Variants in NDST4 observed in about 807,000 individuals in gnomAD.
The protein encoded by NDST4 is N-deacetylase and N-sulfotransferase 4.
In NDST4, 63 loss-of-function variants were observed where a neutral mutation model predicts 100.8. That is an observed-to-expected ratio of 0.62 (90% CI 0.51 to 0.77). The LOEUF is 0.77. Among genes scored for constraint, NDST4 ranks in the 30% least tolerant of loss-of-function variants. The probability of loss-of-function intolerance (pLI) is 0.00; values close to 1 mark genes in which losing one functional copy is unlikely to be tolerated. For synonymous variants in NDST4, 377 were observed against 361.8 expected (o/e 1.04, Z -0.48); for missense variants, 943 against 1,018.4 (o/e 0.93, Z 1.01).
intron 6 of NDST4, among the ~76,000 whole-genome samples, chr4:114,924,465 A>G (rs1192780636): frequency 6.6e-6 from 1 of 151,936 alleles, no homozygotes; most frequent in Non-Finnish European, 1.5e-5. Context: ...GGAAAAAAAA[A>G]AAGGTGACTG....
intron 7 of NDST4, among the ~76,000 whole-genome samples, chr4:114,865,719 A>G (rs1383234148): frequency 6.6e-6 from 1 of 152,190 alleles, no homozygotes; most frequent in African/African-American, 2.4e-5. Context: ...CTGAACCTCA[A>G]TAAGTGGTTT....
At position 114,844,821 on chromosome 4, in the gene NDST4, C is replaced by G. The variant is rs190601486; in HGVS notation, c.2115+1002G>C. ...TTTTTGTAGATAGTGCTGCAATGCTCCTAAACATTTGTCCATCCTTTTGAA... is the reference window on the plus strand; with the variant it reads ...TTTTTGTAGATAGTGCTGCAATGCTGCTAAACATTTGTCCATCCTTTTGAA... On this transcript the variant is annotated intron_variant, in intron 10 of 13. Coordinates refer to ENST00000264363, the MANE Select transcript of NDST4 (RefSeq NM_022569.3). 8.8e-4 allele frequency among the ~76,000 whole-genome samples: 134 copies of G among 152,282 alleles called. 1 individual carries two copies. The highest frequency in any genetic ancestry group is 3.2e-3 in the African/African-American group (131 of 41,554).
intron 2 of NDST4, among the ~76,000 whole-genome samples, chr4:115,000,171 G>A (rs1482314600): frequency 6.6e-6 from 1 of 150,992 alleles, no homozygotes. Context: ...CTTCCAAAAT[G>A]TGATGGCAAC....
chr4:114,941,188 T>G (rs1429188006), intron 4 of NDST4, among the ~76,000 whole-genome samples: 1 of 152,196 alleles, frequency 6.6e-6, no homozygotes, highest in African/African-American at 2.4e-5. Flanking sequence ...GACTGGATGC[T>G]GCTCTAAAAT....
intron 4 of NDST4, among the ~76,000 whole-genome samples, chr4:114,938,715 G>C (rs953426507): frequency 6.6e-6 from 1 of 152,162 alleles, no homozygotes. Flanking sequence ...CAATGCCTTA[G>C]TCATACGCTA....
intron 1 of NDST4, among the ~76,000 whole-genome samples, chr4:115,095,315 C>T (rs1660069685): frequency 6.6e-6 from 1 of 152,248 alleles, no homozygotes; most frequent in South Asian, 2.1e-4. Context: ...TTTCAGTGTG[C>T]TTAGCAGAAA....
At chr4:114,876,931 G>A (rs1330220773) in intron 6 of NDST4, among the ~76,000 whole-genome samples, 5 of 152,164 alleles carry the variant, frequency 3.3e-5, no homozygotes, top group Non-Finnish European at 7.3e-5. Flanking sequence ...AAGGAAATGA[G>A]GATCAAGGGT....
chr4:115,046,901 A>T (rs547481920), intron 2 of NDST4, among the ~76,000 whole-genome samples: 2 of 152,098 alleles, frequency 1.3e-5, no homozygotes, highest in Non-Finnish European at 2.9e-5. Context: ...CTTAAAAATG[A>T]CTTCCTTTTC....
intron 2 of NDST4, among the ~76,000 whole-genome samples, chr4:115,029,539 T>A (rs1403070802): frequency 6.6e-6 from 1 of 152,126 alleles, no homozygotes; most frequent in African/African-American, 2.4e-5. Context: ...TAATTTGACA[T>A]CTAGGATAAA....
rs561137211 is a variant in NDST4, at chr4:114,931,385, C to T, written c.1536+3821G>A. ...AGCTCTAAGAGGGAAATTTATGGCA[C>T]TAAATGCTTACATTAAGAAAAAAAA... On this transcript the variant is annotated intron_variant, in intron 6 of 13. Coordinates refer to ENST00000264363, the MANE Select transcript of NDST4 (RefSeq NM_022569.3). Among the ~76,000 whole-genome samples the T allele has an allele frequency of 2.0e-5, 3 of 150,160 alleles. No homozygotes were observed. In the East Asian group the frequency reaches 5.8e-4, roughly 29 times the overall value.
chr4:115,034,057 G>C (rs1412487815), intron 2 of NDST4, among the ~76,000 whole-genome samples: 4 of 152,026 alleles, frequency 2.6e-5, no homozygotes, highest in Non-Finnish European at 5.9e-5. Flanking sequence ...CTAACCACAA[G>C]TTCCTCTCCT....
At chr4:114,836,347 A>G (rs1723304631) in intron 11 of NDST4, among the ~76,000 whole-genome samples, 1 of 152,154 alleles carries the variant, frequency 6.6e-6, no homozygotes, top group Admixed American at 6.5e-5. Flanking sequence ...TCTGTAAATA[A>G]TTCTATTTCT....
intron 2 of NDST4, among the ~76,000 whole-genome samples, chr4:115,048,443 A>G (rs748343380): frequency 2.0e-5 from 3 of 152,180 alleles, no homozygotes; most frequent in Admixed American, 1.3e-4. Context: ...CTCATTTCGA[A>G]TAAAACATTT....
At chr4:114,840,689 G>A (rs942850099) in intron 10 of NDST4, among the ~76,000 whole-genome samples, 4 of 152,128 alleles carry the variant, frequency 2.6e-5, no homozygotes, top group Admixed American at 6.5e-5. Flanking sequence ...TGAGGTATGC[G>A]GGAATAAGTG....
At chr4:114,991,949 T>C (rs532500657) in intron 2 of NDST4, among the ~76,000 whole-genome samples, 61 of 152,130 alleles carry the variant, frequency 4.0e-4, no homozygotes, top group Non-Finnish European at 6.6e-4. Context: ...TATACCTTTT[T>C]ATGTTTCTAG....
At chr4:114,875,117 T>G (rs1389231914) in intron 6 of NDST4, among the ~76,000 whole-genome samples, 3 of 152,170 alleles carry the variant, frequency 2.0e-5, no homozygotes, top group African/African-American at 7.2e-5. Flanking sequence ...ATGTTCAGTA[T>G]GTGCTAATTT....
chr4:115,103,449 T>G (rs1729775477), intron 1 of NDST4, among the ~76,000 whole-genome samples: 1 of 152,136 alleles, frequency 6.6e-6, no homozygotes, highest in Non-Finnish European at 1.5e-5. Flanking sequence ...AAGTAAAATT[T>G]TCATTGCTGT....
At chr4:114,902,022 T>C (rs1276879836) in intron 6 of NDST4, among the ~76,000 whole-genome samples, 1 of 152,088 alleles carries the variant, frequency 6.6e-6, no homozygotes, top group Non-Finnish European at 1.5e-5. Flanking sequence ...TATGTAAGCA[T>C]ACATATGTGA....
chr4:115,048,973 G>C (rs1404648344), intron 2 of NDST4, among the ~76,000 whole-genome samples: 1 of 152,084 alleles, frequency 6.6e-6, no homozygotes, highest in Non-Finnish European at 1.5e-5. Flanking sequence ...AGTAAATCTA[G>C]TGAAATAATT....
Sources: gnomAD v4.1 joint callset for allele counts (sites outside exome capture counted in the v4.1 genomes callset) on GRCh38, gnomAD v4.1.1 for gene constraint, MANE v1.5 for transcripts, NCBI Gene and HGNC (gene_info 2026-07-23, HGNC 2026-07-21) for gene names.